The following KATNB1 variants were observed in gnomAD, a reference collection of about 807,000 sequenced individuals.
KATNB1 encodes katanin p80 WD40 repeat-containing subunit B1.
In KATNB1, 38 loss-of-function variants were observed where a neutral mutation model predicts 82.3. The ratio of observed to expected loss-of-function variants is 0.46; its 90% CI spans 0.36 to 0.61. The LOEUF (loss-of-function observed/expected upper bound fraction) is 0.61. Ranked by LOEUF, KATNB1 falls within the 20% of genes least tolerant of loss-of-function variation. The probability of loss-of-function intolerance (pLI) is 0.00; values close to 1 mark genes in which losing one functional copy is unlikely to be tolerated. For missense variants in KATNB1, 749 were observed against 915.7 expected, an observed-to-expected ratio of 0.82 and a Z score of 2.35; for synonymous variants, 361 against 368.7, an observed-to-expected ratio of 0.98 and a Z score of 0.24.
rs2049273548 is a variant in KATNB1, at chr16:57,755,975, G to T, written c.1644-17G>T. ...GGCAGGGCTGGGCTGATGGCAGCAT[G>T]TCCTGGCCTCTCCTAGCTCCCTGTG... On this transcript the variant is annotated splice_polypyrimidine_tract_variant and intron_variant, in intron 17 of 19. Transcript: ENST00000379661. 6.2e-7 allele frequency: 1 copy of T among 1,613,336 alleles called. No individual in the cohort carries two copies. Among genetic ancestry groups the T allele is most frequent in the African/African-American group, 1.3e-5 (1 of 74,930 alleles).
intron 9 of KATNB1, 38 bp downstream of exon 9, chr16:57,752,639 C>G (rs1555583805): frequency 3.9e-6 from 6 of 1,549,008 alleles, no homozygotes; most frequent in Non-Finnish European, 5.2e-6. Flanking sequence ...AGCGCTCCTC[C>G]CGGCAGTGGG....
Position 57,737,234 on chromosome 16 carries a change from C to T in KATNB1, c.-10C>T. ...TGTGGGTGGGGCTTCAGGTGCCAGC[C>T]AGCTGAAGGATGGCCACCCCTGTGG... On this transcript the variant is annotated 5_prime_UTR_variant, in exon 2 of 20. Coordinates refer to ENST00000379661, the MANE Select transcript of KATNB1 (RefSeq NM_005886.3). 6.2e-7 allele frequency: 1 copy of T among 1,614,162 alleles called. No individual in the cohort carries two copies. The highest frequency in any genetic ancestry group is 8.5e-7 in the Non-Finnish European group (1 of 1,180,040).
intron 2 of KATNB1, among the ~76,000 whole-genome samples, chr16:57,741,170 G>A (rs1457436319): frequency 6.6e-6 from 1 of 152,188 alleles, no homozygotes; most frequent in Non-Finnish European, 1.5e-5. Context: ...AGGTGACTTC[G>A]GTTGTTCTTA....
intron 19 of KATNB1, 31 bp downstream of exon 19, chr16:57,756,503 G>A: frequency 6.4e-7 from 1 of 1,566,424 alleles, no homozygotes; most frequent in Non-Finnish European, 8.8e-7. Context: ...GGGGGCAGGG[G>A]TGCCACAACA....
At chr16:57,755,720 A>G (rs1025361354) in intron 16 of KATNB1, 121 bp from the exon 17 acceptor site, 3 of 1,010,450 alleles carry the variant, frequency 3.0e-6, no homozygotes, top group African/African-American at 3.2e-5. Flanking sequence ...CGTTAGGTGC[A>G]GTGCTGAATA....
intron 3 of KATNB1, among the ~76,000 whole-genome samples, chr16:57,742,425 G>T (rs1555579999): frequency 6.6e-6 from 1 of 152,276 alleles, no homozygotes; most frequent in African/African-American, 2.4e-5. Flanking sequence ...GGCCACCACA[G>T]TTGGTGTTTT....
At chr16:57,737,971 T>G (rs1470092299) in intron 2 of KATNB1, among the ~76,000 whole-genome samples, 1 of 152,226 alleles carries the variant, frequency 6.6e-6, no homozygotes, top group African/African-American at 2.4e-5. Flanking sequence ...TCTAGTGATG[T>G]TCTGGGAAAC....
intron 12 of KATNB1, 116 bp downstream of exon 12, chr16:57,753,635 A>C: frequency 5.2e-6 from 7 of 1,334,490 alleles, no homozygotes; most frequent in Non-Finnish European, 6.2e-6. Context: ...CCTAACCCAC[A>C]CCTGGGCTCC....
rs1374732194 is a variant in KATNB1 at position 57,751,647 on chromosome 16, A to G, written c.439A>G (p.Ser147Gly). The G allele has an allele frequency of 1.1e-5, 17 of 1,610,970 alleles. No homozygotes were observed. Among genetic ancestry groups the G allele is most frequent in the Non-Finnish European group, 1.4e-5 (17 of 1,179,942 alleles). Residue 147 changes from serine (S) to glycine (G), a missense_variant, in exon 7 of 20, where the codon AGC (serine) becomes GGC (glycine). By Grantham distance (56) the Ser-to-Gly change is moderately conservative. Around this residue, in one of 3 missense-constraint regions of KATNB1, gnomAD observed 247 missense variants for 349.4 expected, o/e 0.71. Transcript: ENST00000379661. The surrounding 1 kb of genome is among the most constrained non-coding windows in gnomAD (Gnocchi z 6.3). ...ATGCCGTGTCCTCCCTCAGGGGCAC[A>G]GCCAGGCCGTGCGGTGTCTCCGGTT... ...KGCVFRYRGH[S>G]QAVRCLRFSP...
chr16:57,741,043 G>C (rs1266884498), intron 2 of KATNB1, among the ~76,000 whole-genome samples: 2 of 152,226 alleles, frequency 1.3e-5, no homozygotes, highest in African/African-American at 4.8e-5. Context: ...GAGGACAAGT[G>C]ACCTAGTAGC....
rs782246882 is a variant in KATNB1 at position 57,751,816 on chromosome 16, C to T, written c.516+92C>T. ...TCCTCACCTCCCTCCTGATCGGGCT[C>T]ACATGTCCCAAGCCTATCCCGAGTG... On this transcript the variant is annotated intron_variant, in intron 7 of 19. Transcript: ENST00000379661. This position sits in a 1 kb window ranked among gnomAD's most constrained non-coding sequence, Gnocchi z 6.3. 13 of 1,419,840 alleles carry T rather than the reference C, an allele frequency of 9.2e-6. No individual in the cohort carries two copies. Among genetic ancestry groups the T allele is most frequent in the Non-Finnish European group, 1.3e-5 (13 of 1,014,900 alleles). The allele number at this position is 1,419,840 out of a possible 1,614,324, so 88.0% of individuals were successfully genotyped here.
chr16:57,740,025 G>A (rs1202673769), intron 2 of KATNB1, among the ~76,000 whole-genome samples: 1 of 152,190 alleles, frequency 6.6e-6, no homozygotes, highest in Non-Finnish European at 1.5e-5. Context: ...ACCAGGCTCG[G>A]GCACGGAATG....
chr16:57,737,155 G>A lies in KATNB1; in HGVS notation c.-89G>A. ...GTGGGAACTCTCTGCCAACTTGATTGGTGGATCTGGGGGGGGATCCACCCC... is the reference window on the plus strand; with the variant it reads ...GTGGGAACTCTCTGCCAACTTGATTAGTGGATCTGGGGGGGGATCCACCCC... On this transcript the variant is annotated 5_prime_UTR_variant, in exon 2 of 20. The change creates a premature stop within an existing upstream ORF in the 5' untranslated region. Coordinates refer to ENST00000379661, the MANE Select transcript of KATNB1 (RefSeq NM_005886.3). The A allele has an allele frequency of 6.7e-7, 1 of 1,502,920 alleles. No homozygotes were observed. Among genetic ancestry groups the A allele is most frequent in the East Asian group, 2.3e-5 (1 of 43,640 alleles). 93.1% of individuals were successfully genotyped at this position (1,502,920 alleles called of 1,614,324 possible).
At chr16:57,737,408 A>T in intron 2 of KATNB1, 125 bp downstream of exon 2, 1 of 1,009,930 alleles carries the variant, frequency 9.9e-7, no homozygotes. Flanking sequence ...ACTTGGGAGT[A>T]AGATAGACCA....
rs782797450 is a variant in KATNB1, at chr16:57,756,424, T to A, written c.1787T>A (p.Met596Lys). The change falls in exon 19 of 20, where the codon ATG (methionine) becomes AAG (lysine). Residue 596 changes from methionine (M) to lysine (K), a missense_variant. This residue lies in a region of KATNB1 where 95 missense variants were observed against 131.6 expected (regional missense o/e 0.72). Transcript: ENST00000379661. ...CGGTTTCTGCCCCTCATCACAGACA[T>A]GCTGGCGGCCCCACCCTCTGTGGGT... ...LQRFLPLITDMLAAPPSVGVD... is the reference protein window; with the variant it reads ...LQRFLPLITDKLAAPPSVGVD... 6.2e-7 allele frequency: 1 copy of A among 1,613,898 alleles called. No individual in the cohort carries two copies. The highest frequency in any genetic ancestry group is 8.5e-7 in the Non-Finnish European group (1 of 1,179,996).
intron 19 of KATNB1, 28 bp downstream of exon 19, chr16:57,756,500 G>A: frequency 1.9e-6 from 3 of 1,576,768 alleles, no homozygotes; most frequent in Non-Finnish European, 2.6e-6. Context: ...GTTGGGGGCA[G>A]GGGTGCCACA....
At position 57,755,332 on chromosome 16, in the gene KATNB1, C is replaced by T. The variant is rs1555585499; in HGVS notation, c.1417-13C>T. On this transcript the variant is annotated splice_polypyrimidine_tract_variant and intron_variant, in intron 15 of 19. Transcript: ENST00000379661. ...TCCTCCCATGCCAGCATCTGGGTGT[C>T]CATCCCACGCAGGCCGTGAAGATCC... is the stretch of plus-strand genomic sequence containing the variant. The T allele has an allele frequency of 4.3e-6, 7 of 1,612,708 alleles. No homozygotes were observed. The highest frequency in any genetic ancestry group is 5.9e-6 in the Non-Finnish European group (7 of 1,179,846).
At chr16:57,743,748 G>T (rs2049160715) in intron 3 of KATNB1, among the ~76,000 whole-genome samples, 1 of 152,246 alleles carries the variant, frequency 6.6e-6, no homozygotes, top group Non-Finnish European at 1.5e-5. Context: ...GGGTTTCTGT[G>T]CACGCTGTCC....
chr16:57,756,247 T>G, intron 18 of KATNB1, 109 bp from the exon 19 acceptor site: 1 of 1,124,640 alleles, frequency 8.9e-7, no homozygotes, highest in East Asian at 2.4e-5. Flanking sequence ...GGTGTATGTG[T>G]GGGTGTGTCT....
Sources: allele counts gnomAD v4.1 joint callset (sites outside exome capture counted in the v4.1 genomes callset), GRCh38; gene constraint gnomAD v4.1.1; regional missense constraint gnomAD v4.1.1; non-coding constraint Gnocchi (gnomAD v3.1); transcripts MANE v1.5; gene names NCBI Gene and HGNC (gene_info 2026-07-23, HGNC 2026-07-21).